AGBL4: variants seen among roughly 807,000 people sequenced by gnomAD.
AGBL4 encodes the protein cytosolic carboxypeptidase 6.
In AGBL4, 58 loss-of-function variants were observed where a neutral mutation model predicts 66.4. The ratio of observed to expected loss-of-function variants is 0.87; its 90% confidence interval spans 0.71 to 1.09. The LOEUF (loss-of-function observed/expected upper bound fraction) is 1.09. Ranked by LOEUF, AGBL4 falls within the 50% of genes least tolerant of loss-of-function variation. The pLI is 0.00. For synonymous variants in AGBL4, 234 were observed against 222.9 expected (o/e 1.05, Z -0.44); for missense variants, 579 against 631.0 (o/e 0.92, Z 0.88).
At chr1:48,753,848 C>A (rs1430688819) in intron 6 of AGBL4, among the ~76,000 whole-genome samples, 1 of 152,220 alleles carries the variant, frequency 6.6e-6, no homozygotes, top group Non-Finnish European at 1.5e-5. Flanking sequence ...ATCTATGCCT[C>A]TTCTGGTTAG....
intron 6 of AGBL4, among the ~76,000 whole-genome samples, chr1:48,680,307 A>G (rs1189291195): frequency 1.3e-5 from 2 of 152,202 alleles, no homozygotes; most frequent in Non-Finnish European, 2.9e-5. Context: ...CTGCAAGGGG[A>G]TCAGTAAGAT....
At chr1:48,586,417 G>A (rs1254232449) in intron 11 of AGBL4, 1 of 152,932 alleles carries the variant, frequency 6.5e-6, no homozygotes, top group Non-Finnish European at 1.5e-5. Context: ...ACAGAAAGGA[G>A]GGGAGGAGGG....
Position 49,465,262 on chromosome 1 carries a change from C to T in AGBL4, c.283-219398G>A, listed in dbSNP as rs113762630. Among the ~76,000 whole-genome samples the T allele has an allele frequency of 2.0e-3, 278 of 141,760 alleles. 3 individuals carry two copies. Among genetic ancestry groups the T allele is most frequent in the African/African-American group, 6.7e-3 (260 of 38,726 alleles). The allele number at this position is 141,760 out of a possible 152,430, so 93.0% of individuals were successfully genotyped here. ...ACACACACACACACACACACACACA[C>T]GCAGACATGTCAGCTGGTTCTGGGT... is the stretch of plus-strand genomic sequence containing the variant. On this transcript the variant is annotated intron_variant, in intron 3 of 13. Coordinates refer to ENST00000371839, the MANE Select transcript of AGBL4 (RefSeq NM_032785.4).
chr1:48,684,059 T>G (rs1340120875), intron 6 of AGBL4, among the ~76,000 whole-genome samples: 1 of 152,198 alleles, frequency 6.6e-6, no homozygotes, highest in African/African-American at 2.4e-5. Flanking sequence ...CCACTGCGTA[T>G]ACAGTCCCAG....
intron 6 of AGBL4, among the ~76,000 whole-genome samples, chr1:48,863,068 A>C (rs544835099): frequency 3.3e-5 from 5 of 152,202 alleles, no homozygotes; most frequent in Non-Finnish European, 7.4e-5. Context: ...AATAATAATA[A>C]TACATTGTTT....
At chr1:48,867,428 T>A (rs1284020546) in intron 5 of AGBL4, among the ~76,000 whole-genome samples, 198 bp from the exon 6 acceptor site, 1 of 151,868 alleles carries the variant, frequency 6.6e-6, no homozygotes, top group Non-Finnish European at 1.5e-5. Context: ...TTTTTGTTTG[T>A]CTTTGGAAGC....
intron 1 of AGBL4, among the ~76,000 whole-genome samples, chr1:49,943,535 A>G (rs1190576449): frequency 6.6e-6 from 1 of 152,110 alleles, no homozygotes; most frequent in East Asian, 1.9e-4. Flanking sequence ...GAAGGTCTAC[A>G]CCAAAGACAA....
intron 5 of AGBL4, among the ~76,000 whole-genome samples, chr1:48,960,871 A>C (rs899584704): frequency 6.6e-6 from 1 of 152,256 alleles, no homozygotes; most frequent in African/African-American, 2.4e-5. Flanking sequence ...ATAAAATAAT[A>C]GTTGTGAAAA....
chr1:48,597,396 TTGCAG>T (rs1557817118), intron 9 of AGBL4, among the ~76,000 whole-genome samples: 1 of 152,118 alleles, frequency 6.6e-6, no homozygotes. Flanking sequence ...AGCAAGGTAA[TTGCAG>T]ATTGTGAAAC....
intron 3 of AGBL4, among the ~76,000 whole-genome samples, chr1:49,349,380 G>T (rs534611581): frequency 1.3e-5 from 2 of 152,098 alleles, no homozygotes; most frequent in Non-Finnish European, 2.9e-5. Context: ...TAAATTATGG[G>T]ACTTTTGACA....
At chr1:49,400,889 C>T (rs951805804) in intron 3 of AGBL4, among the ~76,000 whole-genome samples, 1 of 152,060 alleles carries the variant, frequency 6.6e-6, no homozygotes, top group Non-Finnish European at 1.5e-5. Flanking sequence ...ACAATGTGTT[C>T]CAAATGTAGA....
intron 3 of AGBL4, among the ~76,000 whole-genome samples, chr1:49,449,591 A>G (rs1646233140): frequency 6.6e-6 from 1 of 151,968 alleles, no homozygotes; most frequent in Non-Finnish European, 1.5e-5. Flanking sequence ...ACAGGAGACT[A>G]AAATTGGTAT....
At chr1:49,323,548 C>T (rs1377385986) in intron 3 of AGBL4, among the ~76,000 whole-genome samples, 1 of 150,686 alleles carries the variant, frequency 6.6e-6, no homozygotes, top group Non-Finnish European at 1.5e-5. Flanking sequence ...CCGCCCGTCT[C>T]AGCCTCCCTA....
intron 5 of AGBL4, among the ~76,000 whole-genome samples, chr1:48,891,150 A>C (rs1474775889): frequency 1.3e-5 from 2 of 152,226 alleles, no homozygotes; most frequent in African/African-American, 2.4e-5. Flanking sequence ...CCATTACAGT[A>C]GCCTGCCATG....
chr1:49,862,032 C>T (rs1188737219), intron 1 of AGBL4, among the ~76,000 whole-genome samples: 6 of 151,972 alleles, frequency 3.9e-5, no homozygotes, highest in African/African-American at 1.2e-4. Context: ...CATGGTCTCA[C>T]CAAACAAACA....
chr1:48,707,688 G>A (rs1001213186), intron 6 of AGBL4, among the ~76,000 whole-genome samples: 9 of 152,142 alleles, frequency 5.9e-5, no homozygotes, highest in African/African-American at 2.2e-4. Context: ...CTGGGAATTG[G>A]GTGTTTCTCT....
intron 4 of AGBL4, among the ~76,000 whole-genome samples, chr1:49,217,909 C>T (rs1649211930): frequency 6.6e-6 from 1 of 152,106 alleles, no homozygotes; most frequent in Non-Finnish European, 1.5e-5. Context: ...ATCCAATCTT[C>T]CTACCAGGGC....
At chr1:49,353,796 A>T (rs1557863969) in intron 3 of AGBL4, among the ~76,000 whole-genome samples, 3 of 152,156 alleles carry the variant, frequency 2.0e-5, no homozygotes. Flanking sequence ...GAGCATCTAA[A>T]CATCAAGAGG....
At chr1:49,217,250 T>C (rs868805618) in intron 4 of AGBL4, among the ~76,000 whole-genome samples, 9 of 152,192 alleles carry the variant, frequency 5.9e-5, no homozygotes, top group South Asian at 2.1e-4. Flanking sequence ...TTTAGCAGAA[T>C]CTTCCCTCCT....
Sources: allele counts gnomAD v4.1 joint callset (sites outside exome capture counted in the v4.1 genomes callset), GRCh38; gene constraint gnomAD v4.1.1; transcripts MANE v1.5; gene names NCBI Gene and HGNC (gene_info 2026-07-23, HGNC 2026-07-21).